The following SCN9A variants were observed in gnomAD, a reference collection of about 807,000 sequenced individuals.
SCN9A encodes the protein sodium voltage-gated channel alpha subunit 9.
SCN9A carries 131 observed loss-of-function variants against 187.0 expected under a neutral mutation model. The ratio of observed to expected loss-of-function variants is 0.70; its 90% CI spans 0.61 to 0.81. The LOEUF (loss-of-function observed/expected upper bound fraction) is 0.81. Among genes scored for constraint, SCN9A ranks in the 30% least tolerant of loss-of-function variants. The pLI, the probability that SCN9A is intolerant of heterozygous loss-of-function variation, is 0.00. For missense variants in SCN9A, 2,252 were observed against 2,396.6 expected (o/e 0.94, Z 1.26); for synonymous variants, 809 against 808.6 (o/e 1.00, Z -0.01).
chr2:166,244,612 G>A (rs1440775226), intron 18 of SCN9A, among the ~76,000 whole-genome samples: 3 of 151,928 alleles, frequency 2.0e-5, no homozygotes, highest in African/African-American at 4.8e-5. Context: ...CTTTCTGGAC[G>A]GTGGTCTATT....
At chr2:166,235,173 T>C (rs1261324073) in intron 20 of SCN9A, among the ~76,000 whole-genome samples, 1 of 152,150 alleles carries the variant, frequency 6.6e-6, no homozygotes, top group African/African-American at 2.4e-5. Context: ...AAAGGTAGAC[T>C]AAGACATGTC....
Position 166,204,399 on chromosome 2 carries a change from C to G in SCN9A, c.4464G>C (p.Leu1488=), listed in dbSNP as rs1405828364. ...TTGGCTTTTGTGGCTTCTTGGACCC[C>G]AGCTTTTTCATTGCATTATAGTATT... The part of the protein sequence containing the change: ...QKKYYNAMKK[L]GSKKPQKPIP... Residue 1488 remains leucine, a synonymous_variant, in exon 25 of 27, where the codon CTG becomes CTC. Coordinates refer to ENST00000642356, the MANE Select transcript of SCN9A (RefSeq NM_001365536.1). 6.2e-7 allele frequency: 1 copy of G among 1,609,548 alleles called. No homozygotes were observed. The highest frequency in any genetic ancestry group is 2.2e-5 in the East Asian group (1 of 44,700).
At chr2:166,248,239 T>G (rs1270040519) in intron 18 of SCN9A, 1 of 152,156 alleles carries the variant, frequency 6.6e-6, no homozygotes, top group African/African-American at 2.4e-5. Flanking sequence ...GAACTGGCAT[T>G]GATTCTAGCC....
At chr2:166,372,751 G>T (rs1700594630) in intron 1 of SCN9A, among the ~76,000 whole-genome samples, 1 of 151,828 alleles carries the variant, frequency 6.6e-6, no homozygotes, top group South Asian at 2.1e-4. Flanking sequence ...TGTTTCCAGG[G>T]TTAATATGCT....
At chr2:166,360,628 T>A (rs1240205169) in intron 1 of SCN9A, among the ~76,000 whole-genome samples, 1 of 152,042 alleles carries the variant, frequency 6.6e-6, no homozygotes, top group East Asian at 2.0e-4. Context: ...AGGTTTGAAT[T>A]TCCTGTTTAT....
chr2:166,246,765 A>G (rs547819863), intron 18 of SCN9A, among the ~76,000 whole-genome samples: 53 of 152,244 alleles, frequency 3.5e-4, no homozygotes, highest in South Asian at 4.1e-4. Context: ...CATTATTCTT[A>G]TGATTGAGGA....
intron 10 of SCN9A, 55 bp from the exon 11 acceptor site, chr2:166,286,678 C>A (rs1355315643): frequency 1.5e-6 from 2 of 1,370,810 alleles, no homozygotes; most frequent in Non-Finnish European, 1.9e-6. Flanking sequence ...TCCTAGGAAA[C>A]CCTAGGACAG....
intron 2 of SCN9A, among the ~76,000 whole-genome samples, chr2:166,308,708 G>A (rs1010601555): frequency 2.5e-4 from 38 of 152,174 alleles, no homozygotes; most frequent in African/African-American, 7.0e-4. Flanking sequence ...AGAACACAAC[G>A]TCAGGAGATC....
At chr2:166,277,565 A>G (rs1282479061) in intron 15 of SCN9A, among the ~76,000 whole-genome samples, 3 of 152,234 alleles carry the variant, frequency 2.0e-5, no homozygotes, top group East Asian at 1.9e-4. Context: ...GAAACTATGT[A>G]CTTTTAGTTC....
chr2:166,294,634 T>C lies in SCN9A; in HGVS notation c.930A>G (p.Lys310=). ...RKYFYYLEGS[K]DALLCGFSTD... ...TGCTGAAACCACAAAGGAGAGCATC[T>C]TTGGATCCTTCCAAGTAATAAAAAT... The change falls in exon 8 of 27, where the codon AAA becomes AAG. Residue 310 remains lysine, a synonymous_variant. Coordinates refer to ENST00000642356, the MANE Select transcript of SCN9A (RefSeq NM_001365536.1). 6.2e-7 allele frequency: 1 copy of C among 1,610,658 alleles called. No individual in the cohort carries two copies. The highest frequency in any genetic ancestry group is 8.5e-7 in the Non-Finnish European group (1 of 1,177,934).
At position 166,313,116 on chromosome 2, in the gene SCN9A, AATAAT is replaced by A. The variant is rs931275808; in HGVS notation, c.-50-1315_-50-1311del. On this transcript the variant is annotated intron_variant, in intron 1 of 26. Coordinates refer to ENST00000642356, the MANE Select transcript of SCN9A (RefSeq NM_001365536.1). Reference sequence around the variant, plus strand: ...TTATTATGTAATTTTCTGAATAGTAAATAATATAATTATTATGTAATTTTCTGAAT... The same window carrying A: ...TTATTATGTAATTTTCTGAATAGTAAATAATTATTATGTAATTTTCTGAAT... Among the ~76,000 whole-genome samples the A allele has an allele frequency of 1.9e-3, 292 of 149,996 alleles. 1 individual carries two copies. Among genetic ancestry groups the A allele is most frequent in the Non-Finnish European group, 1.7e-3 (118 of 67,566 alleles).
At chr2:166,214,374 T>TCTTC (rs1326694197) in intron 24 of SCN9A, among the ~76,000 whole-genome samples, 1 of 152,160 alleles carries the variant, frequency 6.6e-6, no homozygotes, top group African/African-American at 2.4e-5. Context: ...GGTTCTGGCC[T>TCTTC]CTTCCAGTAC....
rs760097843 is a variant in SCN9A, at chr2:166,198,802, G to C, written c.5837C>G (p.Thr1946Arg). 2.4e-5 allele frequency: 38 copies of C among 1,613,056 alleles called. No homozygotes were observed. The East Asian group carries it at 8.0e-4, about 34-fold the overall frequency. ...AGAGGTGGTGGATGAAGTGGCATCT[G>C]TTTTTTCTGGACTTGAGTTCTCATT... ...NVNENSSPEK[T>R]DATSSTTSPP... is the part of the protein sequence containing the mutation. Residue 1946 changes from threonine to arginine, a missense_variant, in exon 27 of 27, where the codon ACA (threonine) becomes AGA (arginine). This residue lies in a region of SCN9A where 345 missense variants were observed against 344.6 expected (regional missense o/e 1.00). Coordinates refer to ENST00000642356, the MANE Select transcript of SCN9A (RefSeq NM_001365536.1).
Position 166,325,204 on chromosome 2 carries a change from A to G in SCN9A, c.-50-13398T>C, listed in dbSNP as rs955016127. ...ATAGCTCAGTGAATTTGAATTTATC[A>G]GGTAAATGCATTGCCATTATCTATA... On this transcript the variant is annotated intron_variant, in intron 1 of 26. Transcript: ENST00000642356. Among the ~76,000 whole-genome samples, 3 of 152,280 alleles carry G rather than the reference A, an allele frequency of 2.0e-5. 1 individual carries two copies. Among genetic ancestry groups the G allele is most frequent in the Admixed American group, 2.0e-4 (3 of 15,290 alleles).
chr2:166,370,568 AAG>A (rs1371487469), intron 1 of SCN9A, among the ~76,000 whole-genome samples: 3 of 151,822 alleles, frequency 2.0e-5, no homozygotes, highest in Admixed American at 6.6e-5. Flanking sequence ...AAAAAAAAAA[AAG>A]AATCTTTAAA....
intron 17 of SCN9A, among the ~76,000 whole-genome samples, chr2:166,265,161 C>A (rs916058176): frequency 4.6e-5 from 7 of 151,818 alleles, no homozygotes; most frequent in Non-Finnish European, 1.5e-5. Flanking sequence ...AGAACTTATT[C>A]TTTCTATCTC....
rs1337178468 is a variant in SCN9A, at chr2:166,231,554, T to TTA, written c.3924+1785_3924+1786insTA. On this transcript the variant is annotated intron_variant, in intron 21 of 26. Coordinates refer to ENST00000642356, the MANE Select transcript of SCN9A (RefSeq NM_001365536.1). ...GGTGAGATCCAAGAATTTGCTTTTT[T>TTA]TTTTTTTTTTTTTTTGATACAGAGT... Among the ~76,000 whole-genome samples the TTA allele has an allele frequency of 1.9e-3, 281 of 146,108 alleles. 6 individuals carry two copies. Among genetic ancestry groups the TTA allele is most frequent in the South Asian group, 3.8e-3 (17 of 4,462 alleles).
chr2:166,336,559 T>G (rs1382397150), intron 1 of SCN9A, among the ~76,000 whole-genome samples: 1 of 152,122 alleles, frequency 6.6e-6, no homozygotes, highest in Non-Finnish European at 1.5e-5. Context: ...AAACCTATGC[T>G]TAGACCACAA....
intron 7 of SCN9A, among the ~76,000 whole-genome samples, chr2:166,296,395 T>A (rs536390350): frequency 6.6e-6 from 1 of 152,102 alleles, no homozygotes; most frequent in Non-Finnish European, 1.5e-5. Flanking sequence ...GATAAAACAA[T>A]AAAGCCTTGC....
Sources: allele counts gnomAD v4.1 joint callset (sites outside exome capture counted in the v4.1 genomes callset), GRCh38; gene constraint gnomAD v4.1.1; regional missense constraint gnomAD v4.1.1; transcripts MANE v1.5; gene names NCBI Gene and HGNC (gene_info 2026-07-23, HGNC 2026-07-21).